The following NINL variants were observed in gnomAD, a reference collection of about 807,000 sequenced individuals.
The protein encoded by NINL is ninein like.
Under a neutral mutation model 160.3 loss-of-function variants are expected in NINL, and 153 were observed. That is an observed-to-expected ratio of 0.95 (90% CI 0.84 to 1.09). NINL has a LOEUF of 1.09. NINL is among the 50% of genes least tolerant of loss of function. The pLI, the probability that NINL is intolerant of heterozygous loss-of-function variation, is 0.00. For synonymous variants in NINL, 800 were observed against 734.8 expected, an observed-to-expected ratio of 1.09 and a Z score of -1.43; for missense variants, 1,829 against 1,764.0, an observed-to-expected ratio of 1.04 and a Z score of -0.66.
intron 1 of NINL, among the ~76,000 whole-genome samples, chr20:25,560,089 C>G (rs984300845): frequency 6.6e-6 from 1 of 152,174 alleles, no homozygotes. Flanking sequence ...GGGACTACAG[C>G]CATGTGTCAC....
chr20:25,526,486 C>G lies in NINL; in HGVS notation c.102G>C (p.Gln34His). Reference sequence around the variant, plus strand: ...GCTCCAGGTGAAGCTTAAGGCAGAGCTGGGTCAGCTCCTGGCGGTCCAGAA... The same window carrying G: ...GCTCCAGGTGAAGCTTAAGGCAGAGGTGGGTCAGCTCCTGGCGGTCCAGAA... ...TGFLDRQELT[Q>H]LCLKLHLEQQ... is the part of the protein sequence containing the mutation. Residue 34 changes from glutamine (Q) to histidine (H), a missense_variant, in exon 2 of 24, where the codon CAG becomes CAC. Transcript: ENST00000278886. 2.5e-6 allele frequency: 4 copies of G among 1,614,234 alleles called. No individual in the cohort carries two copies. The highest frequency in any genetic ancestry group is 3.4e-6 in the Non-Finnish European group (4 of 1,180,048).
Position 25,556,802 on chromosome 20 carries a change from T to G in NINL, c.-12+28653A>C, listed in dbSNP as rs1387080702. On this transcript the variant is annotated intron_variant, in intron 1 of 23. Transcript: ENST00000278886. ...TGATGGTGAGACTCTGTATCATGCA[T>G]GGATACATATATAAGGGCCAATAAT... Among the ~76,000 whole-genome samples, 3 of 152,130 alleles carry G rather than the reference T, an allele frequency of 2.0e-5. No individual in the cohort carries two copies. In the East Asian group the frequency reaches 5.8e-4, roughly 29 times the overall value.
At chr20:25,528,000 A>C (rs1364097936) in intron 1 of NINL, among the ~76,000 whole-genome samples, 2 of 152,246 alleles carry the variant, frequency 1.3e-5, no homozygotes, top group Non-Finnish European at 1.5e-5. Flanking sequence ...TATATGACAG[A>C]ATATTAAACA....
intron 6 of NINL, 59 bp from the exon 7 acceptor site, chr20:25,504,163 AC>A: frequency 6.6e-7 from 1 of 1,504,564 alleles, no homozygotes; most frequent in Non-Finnish European, 8.9e-7. Context: ...AACCGCCCTC[AC>A]CAGGGCCTCC....
intron 4 of NINL, among the ~76,000 whole-genome samples, 177 bp downstream of exon 4, chr20:25,512,657 A>G (rs528625696): frequency 5.3e-5 from 8 of 152,284 alleles, no homozygotes; most frequent in African/African-American, 1.9e-4. Flanking sequence ...AGACAACCAG[A>G]CCCAATTTAA....
chr20:25,556,674 G>T (rs764338361), intron 1 of NINL, among the ~76,000 whole-genome samples: 3 of 151,508 alleles, frequency 2.0e-5, no homozygotes, highest in Non-Finnish European at 4.4e-5. Flanking sequence ...AGGCATGGTG[G>T]TATATGCCTA....
At chr20:25,563,671 T>C (rs1240836346) in intron 1 of NINL, among the ~76,000 whole-genome samples, 1 of 152,076 alleles carries the variant, frequency 6.6e-6, no homozygotes, top group Middle Eastern at 3.2e-3. Flanking sequence ...CAAATATAAG[T>C]AGAAGGATGG....
chr20:25,578,793 CAAAA>C (rs11344577), intron 1 of NINL, among the ~76,000 whole-genome samples: 21 of 74,074 alleles, frequency 2.8e-4, no homozygotes, highest in South Asian at 4.6e-4. Flanking sequence ...ACTCCATCTC[CAAAA>C]AAAAAAAAAA....
chr20:25,574,108 CT>C (rs1265330501), intron 1 of NINL, among the ~76,000 whole-genome samples: 1 of 152,218 alleles, frequency 6.6e-6, no homozygotes, highest in Non-Finnish European at 1.5e-5. Flanking sequence ...TAAAGTGTAT[CT>C]GTTATTTGAA....
chr20:25,489,464 C>A, intron 12 of NINL, 140 bp from the exon 13 acceptor site: 1 of 692,326 alleles, frequency 1.4e-6, no homozygotes, highest in South Asian at 1.6e-5. Flanking sequence ...CGCCATCCCC[C>A]CTCCTTCTCC....
chr20:25,543,493 ACCTATGGCTGTTTCATGC>A (rs1272820612), intron 1 of NINL, among the ~76,000 whole-genome samples: 1 of 152,180 alleles, frequency 6.6e-6, no homozygotes, highest in Non-Finnish European at 1.5e-5. Flanking sequence ...GGAGGAGGGA[ACCTATGGCTGTTTCATGC>A]CCAACTAAAT....
intron 1 of NINL, among the ~76,000 whole-genome samples, chr20:25,581,545 T>C (rs1169259101): frequency 1.3e-5 from 2 of 152,118 alleles, no homozygotes; most frequent in East Asian, 3.9e-4. Flanking sequence ...ACATGTGCCA[T>C]CTTCTAAAAA....
intron 9 of NINL, 22 bp downstream of exon 9, chr20:25,498,188 C>T (rs1209019665): frequency 6.2e-7 from 1 of 1,611,336 alleles, no homozygotes; most frequent in Admixed American, 1.7e-5. Context: ...GCCACGTTCC[C>T]CAGTCCCCTG....
Position 25,496,767 on chromosome 20 carries a change from C to CT in NINL, c.1205dup (p.Ala403GlyfsTer51). The stretch of plus-strand genomic sequence containing the variant: ...CGGCCCTCTCCAGGTCCTGCCTTGC[C>CT]TTGTCACGCTCCCTTGCCAGCTGCT... On this transcript the variant is annotated frameshift_variant, in exon 10 of 24. Transcript: ENST00000278886. LOFTEE classifies it high-confidence loss of function. The CT allele has an allele frequency of 6.2e-7, 1 of 1,614,080 alleles. No homozygotes were observed. Among genetic ancestry groups the CT allele is most frequent in the Non-Finnish European group, 8.5e-7 (1 of 1,180,028 alleles).
chr20:25,466,807 A>C (rs1446965163), intron 19 of NINL, among the ~76,000 whole-genome samples: 6 of 151,042 alleles, frequency 4.0e-5, no homozygotes, highest in Admixed American at 6.6e-5. Flanking sequence ...CTCAAAAAAA[A>C]CCCCCAAAAT....
chr20:25,550,255 T>C (rs1048072473), intron 1 of NINL, among the ~76,000 whole-genome samples: 2 of 152,172 alleles, frequency 1.3e-5, no homozygotes, highest in Non-Finnish European at 2.9e-5. Context: ...TGTGCCTGTA[T>C]TCCCACCTAC....
intron 3 of NINL, among the ~76,000 whole-genome samples, chr20:25,516,602 T>C (rs1025599382): frequency 6.6e-6 from 1 of 152,148 alleles, no homozygotes; most frequent in Non-Finnish European, 1.5e-5. Flanking sequence ...TTGAGGTGCT[T>C]TGATATCTTT....
chr20:25,560,489 C>T (rs1246231350), intron 1 of NINL, among the ~76,000 whole-genome samples: 4 of 152,170 alleles, frequency 2.6e-5, no homozygotes, highest in Non-Finnish European at 5.9e-5. Flanking sequence ...TATATCTGTG[C>T]CACGATGGGC....
chr20:25,458,766 CA>C (rs1041767608), intron 21 of NINL: 32 of 510,918 alleles, frequency 6.3e-5, no homozygotes, highest in African/African-American at 5.7e-4. Flanking sequence ...CCATCACCCT[CA>C]AAATGGTGAC....
Sources: gnomAD v4.1 joint callset for allele counts (sites outside exome capture counted in the v4.1 genomes callset) on GRCh38, gnomAD v4.1.1 for gene constraint, MANE v1.5 for transcripts, NCBI Gene and HGNC (gene_info 2026-07-23, HGNC 2026-07-21) for gene names.